THSD7A: variants seen among roughly 807,000 people sequenced by gnomAD.
THSD7A encodes thrombospondin type 1 domain containing 7A, also known as thrombospondin type-1 domain-containing protein 7A.
THSD7A carries 96 observed loss-of-function variants against 231.3 expected under a neutral mutation model. The observed-to-expected ratio is 0.41, with a 90% CI of 0.35 to 0.49. The LOEUF (loss-of-function observed/expected upper bound fraction) is 0.49. Ranked by LOEUF, THSD7A falls within the 20% of genes least tolerant of loss-of-function variation. The probability of loss-of-function intolerance (pLI) is 0.05; values close to 1 mark genes in which losing one functional copy is unlikely to be tolerated. For missense variants in THSD7A, 2,290 were observed against 2,070.2 expected (o/e 1.11, Z -2.06); for synonymous variants, 940 against 743.3 (o/e 1.26, Z -4.30).
chr7:11,393,207 C>G (rs192954900), intron 23 of THSD7A, among the ~76,000 whole-genome samples: 1 of 152,184 alleles, frequency 6.6e-6, no homozygotes, highest in African/African-American at 2.4e-5. Context: ...CAGCAATCTT[C>G]GCTGTTCTGC....
chr7:11,689,504 T>C (rs1161579223), intron 1 of THSD7A, among the ~76,000 whole-genome samples: 1 of 151,748 alleles, frequency 6.6e-6, no homozygotes, highest in Admixed American at 6.6e-5. Flanking sequence ...TCACTTTTCC[T>C]TTTTTGTCAA....
chr7:11,403,378 T>C (rs1484259788), intron 22 of THSD7A, among the ~76,000 whole-genome samples: 1 of 152,166 alleles, frequency 6.6e-6, no homozygotes, highest in African/African-American at 2.4e-5. Context: ...AAGAATGTAA[T>C]TGGTACTCCT....
chr7:11,398,361 G>A (rs993520201), intron 23 of THSD7A, among the ~76,000 whole-genome samples: 2 of 152,010 alleles, frequency 1.3e-5, no homozygotes, highest in Admixed American at 6.6e-5. Flanking sequence ...ACAGGGAGGG[G>A]AACATCACAC....
At chr7:11,765,974 T>G (rs954397702) in intron 1 of THSD7A, among the ~76,000 whole-genome samples, 1 of 152,198 alleles carries the variant, frequency 6.6e-6, no homozygotes, top group East Asian at 1.9e-4. Flanking sequence ...GACTTTATAA[T>G]TATTTGGCAA....
intron 1 of THSD7A, among the ~76,000 whole-genome samples, chr7:11,775,586 G>A (rs115594469): frequency 0.012 from 1,873 of 152,122 alleles, 43 homozygotes; most frequent in African/African-American, 0.043. Flanking sequence ...TCCACCAAAA[G>A]GATAAATGCT....
In THSD7A at chr7:11,590,379, G is replaced by T. The variant is rs1780105434; in HGVS notation, c.1453+81C>A. On this transcript the variant is annotated intron_variant, in intron 4 of 27. Coordinates refer to ENST00000423059, the MANE Select transcript of THSD7A (RefSeq NM_015204.3). This position sits in a 1 kb window ranked among gnomAD's most constrained non-coding sequence, Gnocchi z 4.4. ...AAATGCAGCCCTCATAACCTGGATG[G>T]CTGTGTATATATCCCTTCAGAGCAA... The T allele has an allele frequency of 1.4e-6, 2 of 1,430,144 alleles. No homozygotes were observed. Among genetic ancestry groups the T allele is most frequent in the Non-Finnish European group, 1.9e-6 (2 of 1,059,278 alleles). The allele number at this position is 1,430,144 out of a possible 1,614,324, so 88.6% of individuals were successfully genotyped here. A position where few individuals can be genotyped will look rare whatever the true frequency, so the allele number is the denominator to read the frequency against.
chr7:11,398,135 C>T lies in THSD7A; in HGVS notation c.4411+3660G>A, dbSNP rs374753411. 3.3e-5 allele frequency among the ~76,000 whole-genome samples: 5 copies of T among 152,090 alleles called. No individual in the cohort carries two copies. The East Asian group carries it at 9.6e-4, about 29-fold the overall frequency. On this transcript the variant is annotated intron_variant, in intron 23 of 27. Transcript: ENST00000423059. The stretch of plus-strand genomic sequence containing the variant: ...ACAATAGCGAAGACTTGGAACCAAC[C>T]CAAATGCTCATCAATGATAGACTGG...
At chr7:11,472,413 C>T (rs917617927) in intron 8 of THSD7A, among the ~76,000 whole-genome samples, 1 of 152,092 alleles carries the variant, frequency 6.6e-6, no homozygotes, top group African/African-American at 2.4e-5. Flanking sequence ...TTTTTTGGTT[C>T]ATATACCTAG....
At chr7:11,418,086 C>A (rs962127891) in intron 16 of THSD7A, among the ~76,000 whole-genome samples, 3 of 152,148 alleles carry the variant, frequency 2.0e-5, no homozygotes, top group South Asian at 2.1e-4. Flanking sequence ...ACCAGGCACA[C>A]TGAAATCTCT....
rs146737204 is a variant in THSD7A, at chr7:11,741,476, T to G, written c.190+90281A>C. 4.1e-4 allele frequency among the ~76,000 whole-genome samples: 63 copies of G among 152,012 alleles called. 2 individuals carry two copies. The highest frequency in any genetic ancestry group is 3.4e-3 in the Middle Eastern group (1 of 294). On this transcript the variant is annotated intron_variant, in intron 1 of 27. Transcript: ENST00000423059. ...TTTGTGGGAATATATATGCTATATA[T>G]GCACTGAAAAAATAAGTGTTGGAAA...
intron 1 of THSD7A, among the ~76,000 whole-genome samples, chr7:11,759,126 A>G (rs1471053796): frequency 6.6e-6 from 1 of 152,132 alleles, no homozygotes; most frequent in East Asian, 1.9e-4. Flanking sequence ...CACGAATTCA[A>G]CAGGAAAGGA....
intron 6 of THSD7A, among the ~76,000 whole-genome samples, chr7:11,524,073 C>T (rs1189358608): frequency 6.6e-6 from 1 of 152,040 alleles, no homozygotes; most frequent in Admixed American, 6.6e-5. Flanking sequence ...TTTTAGTATG[C>T]AGATGTGGAA....
intron 4 of THSD7A, among the ~76,000 whole-genome samples, chr7:11,551,612 T>TC (rs1789630276): frequency 6.6e-6 from 1 of 151,918 alleles, no homozygotes; most frequent in Non-Finnish European, 1.5e-5. Flanking sequence ...AACATCACTA[T>TC]TCATCAGAGA....
At chr7:11,464,672 T>C (rs1785630961) in intron 9 of THSD7A, among the ~76,000 whole-genome samples, 1 of 152,108 alleles carries the variant, frequency 6.6e-6, no homozygotes, top group Non-Finnish European at 1.5e-5. Flanking sequence ...AGAGTGGCAA[T>C]CCATTTATTC....
intron 1 of THSD7A, among the ~76,000 whole-genome samples, chr7:11,701,917 G>A (rs1044511736): frequency 1.3e-5 from 2 of 150,968 alleles, no homozygotes; most frequent in Admixed American, 1.3e-4. Flanking sequence ...CCTAGGACAG[G>A]AATATGCCTG....
intron 1 of THSD7A, among the ~76,000 whole-genome samples, chr7:11,795,982 G>A (rs114649902): frequency 0.013 from 1,833 of 145,782 alleles, 50 homozygotes; most frequent in African/African-American, 0.044. Flanking sequence ...GCTGTTTCCT[G>A]TAACTGTGCT....
At chr7:11,774,616 T>C (rs1408826068) in intron 1 of THSD7A, among the ~76,000 whole-genome samples, 1 of 152,212 alleles carries the variant, frequency 6.6e-6, no homozygotes, top group African/African-American at 2.4e-5. Flanking sequence ...TATGCCTATG[T>C]TCAAACTATC....
intron 1 of THSD7A, among the ~76,000 whole-genome samples, chr7:11,811,694 A>G (rs1784532195): frequency 6.6e-6 from 1 of 152,204 alleles, no homozygotes; most frequent in African/African-American, 2.4e-5. Context: ...TTTACCTGCA[A>G]TAATAAATTT....
At chr7:11,578,453 A>T (rs1394889508) in intron 4 of THSD7A, among the ~76,000 whole-genome samples, 1 of 152,210 alleles carries the variant, frequency 6.6e-6, no homozygotes, top group Non-Finnish European at 1.5e-5. Context: ...TGTCTTTTTA[A>T]AAGATATTTC....
Sources: allele counts gnomAD v4.1 joint callset (sites outside exome capture counted in the v4.1 genomes callset), GRCh38; gene constraint gnomAD v4.1.1; non-coding constraint Gnocchi (gnomAD v3.1); transcripts MANE v1.5; gene names NCBI Gene and HGNC (gene_info 2026-07-23, HGNC 2026-07-21).